The following RCOR3 variants were observed in gnomAD, a reference collection of about 807,000 sequenced individuals.
RCOR3 encodes the protein REST corepressor 3.
Under a neutral mutation model 64.1 loss-of-function variants are expected in RCOR3, and 13 were observed. The ratio of observed to expected loss-of-function variants is 0.20; its 90% CI spans 0.13 to 0.32. The LOEUF (loss-of-function observed/expected upper bound fraction) is 0.32. Among genes scored for constraint, RCOR3 ranks in the 10% least tolerant of loss-of-function variants. The pLI, the probability that RCOR3 is intolerant of heterozygous loss-of-function variation, is 1.00. For synonymous variants in RCOR3, 215 were observed against 239.0 expected, an observed-to-expected ratio of 0.90 and a Z score of 0.93; for missense variants, 489 against 701.2, an observed-to-expected ratio of 0.70 and a Z score of 3.42.
chr1:211,296,954 A>G (rs547593542), intron 9 of RCOR3, among the ~76,000 whole-genome samples: 6 of 151,998 alleles, frequency 3.9e-5, no homozygotes, highest in Admixed American at 1.3e-4. Flanking sequence ...TAAAAACATT[A>G]TGGGAATAGC....
chr1:211,300,071 C>CTTT lies in RCOR3; in HGVS notation c.1018-3996_1018-3994dup, dbSNP rs11419492. Among the ~76,000 whole-genome samples the CTTT allele has an allele frequency of 8.0e-4, 97 of 121,268 alleles. 2 individuals carry two copies. The highest frequency in any genetic ancestry group is 1.1e-3 in the South Asian group (4 of 3,700). The allele number at this position is 121,268 out of a possible 152,430, so 79.6% of individuals were successfully genotyped here. On this transcript the variant is annotated intron_variant, in intron 9 of 11. Transcript: ENST00000419091. ...TCTGCATTTTTCTTTTTCTTTCTTT[C>CTTT]TTTTTTTTTTTTTTTTTTGAGACAC...
chr1:211,313,649 C>T lies in RCOR3; in HGVS notation c.1543C>T (p.Arg515Cys), dbSNP rs1384358801. The change falls in exon 12 of 12, where the codon CGC becomes TGC. Residue 515 changes from arginine to cysteine, a missense_variant. Around this residue, in one of 2 missense-constraint regions of RCOR3, gnomAD observed 402 missense variants for 617.0 expected, o/e 0.65. Transcript: ENST00000419091. The surrounding 1 kb of genome is among the most constrained non-coding windows in gnomAD (Gnocchi z 4.7). ...TLNQPPPPLI[R>C]PANSMPPRLN... ...AAATCAGCCTCCACCACCTCTTATTCGCCCTGCTAATTCCATGCCACCCCG... is the reference window on the plus strand; with the variant it reads ...AAATCAGCCTCCACCACCTCTTATTTGCCCTGCTAATTCCATGCCACCCCG... The T allele has an allele frequency of 2.5e-6, 4 of 1,614,092 alleles. No homozygotes were observed. The highest frequency in any genetic ancestry group is 2.2e-5 in the East Asian group (1 of 44,900).
intron 2 of RCOR3, among the ~76,000 whole-genome samples, chr1:211,270,736 GT>G (rs1196546610): frequency 6.6e-6 from 1 of 151,766 alleles, no homozygotes; most frequent in Non-Finnish European, 1.5e-5. Context: ...AATTTCCTTA[GT>G]TTTTATAAGC....
rs1301602313 is a variant in RCOR3, at chr1:211,312,492, G to GT, written c.1076-225dup. On this transcript the variant is annotated intron_variant, in intron 10 of 11. Coordinates refer to ENST00000419091, the MANE Select transcript of RCOR3 (RefSeq NM_001136223.3). This position sits in a 1 kb window ranked among gnomAD's most constrained non-coding sequence, Gnocchi z 5.0. ...TAACTGAGTATGTAAAAAATGGTAAGTTTCTGATTGTTCAGTTGAAGGCAA... is the reference window on the plus strand; with the variant it reads ...TAACTGAGTATGTAAAAAATGGTAAGTTTTCTGATTGTTCAGTTGAAGGCAA... The GT allele has an allele frequency of 6.3e-6, 4 of 637,320 alleles. No individual in the cohort carries two copies. Among genetic ancestry groups the GT allele is most frequent in the Non-Finnish European group, 1.2e-5 (4 of 342,486 alleles). The allele number at this position is 637,320 out of a possible 1,614,324, so 39.5% of individuals were successfully genotyped here.
chr1:211,299,200 C>A (rs1700135625), intron 9 of RCOR3, among the ~76,000 whole-genome samples: 1 of 152,040 alleles, frequency 6.6e-6, no homozygotes, highest in Admixed American at 6.5e-5. Context: ...GCATGTAAGT[C>A]GTCAATGATA....
At chr1:211,285,100 T>G (rs1698347322) in intron 7 of RCOR3, among the ~76,000 whole-genome samples, 1 of 152,226 alleles carries the variant, frequency 6.6e-6, no homozygotes, top group African/African-American at 2.4e-5. Context: ...TTGTATTACT[T>G]TTGATTTCCT....
At chr1:211,288,431 T>A (rs937588904) in intron 7 of RCOR3, among the ~76,000 whole-genome samples, 5 of 147,312 alleles carry the variant, frequency 3.4e-5, no homozygotes, top group Admixed American at 2.7e-4. Flanking sequence ...ATTTTTTATT[T>A]TATTTATATT....
chr1:211,279,283 T>C lies in RCOR3; in HGVS notation c.687T>C (p.Ser229=). 6.2e-7 allele frequency: 1 copy of C among 1,612,610 alleles called. No homozygotes were observed. The highest frequency in any genetic ancestry group is 1.7e-5 in the Admixed American group (1 of 59,886). Residue 229 remains serine (S), a synonymous_variant, in exon 7 of 12, where the codon AGT becomes AGC. Coordinates refer to ENST00000419091, the MANE Select transcript of RCOR3 (RefSeq NM_001136223.3). ...CACATCCAATGGATGGGAATGATAG[T>C]GATTATGATCCCAAAAAAGAAGCCA... ...EETHPMDGND[S]DYDPKKEAKK...
intron 9 of RCOR3, among the ~76,000 whole-genome samples, chr1:211,300,697 G>C (rs1003128149): frequency 3.3e-5 from 5 of 152,096 alleles, no homozygotes; most frequent in African/African-American, 1.2e-4. Context: ...AATTTATCCA[G>C]ACATTCAGTC....
intron 9 of RCOR3, 59 bp from the exon 10 acceptor site, chr1:211,304,024 C>A: frequency 8.4e-7 from 1 of 1,192,270 alleles, no homozygotes; most frequent in Non-Finnish European, 1.2e-6. Flanking sequence ...AAAAAATAAG[C>A]GCTTTGGAAA....
rs774381891 is a variant in RCOR3, at chr1:211,313,007, C to T, written c.1317+46C>T. 3.1e-5 allele frequency: 50 copies of T among 1,611,942 alleles called. No individual in the cohort carries two copies. The highest frequency in any genetic ancestry group is 3.6e-5 in the Non-Finnish European group (43 of 1,178,650). On this transcript the variant is annotated intron_variant, in intron 11 of 11. Transcript: ENST00000419091. This position sits in a 1 kb window ranked among gnomAD's most constrained non-coding sequence, Gnocchi z 4.7. ...TGAGCTAATATGAGTTGAGGAATCA[C>T]CATTTTGTGTGGTATTCTGTAAGGT...
intron 8 of RCOR3, 62 bp from the exon 9 acceptor site, chr1:211,295,614 G>T: frequency 7.6e-7 from 1 of 1,316,632 alleles, no homozygotes; most frequent in South Asian, 1.2e-5. Flanking sequence ...TCACTTAATT[G>T]AGTACTCACA....
Position 211,313,759 on chromosome 1 carries a change from A to G in RCOR3, c.1653A>G (p.Ser551=). The part of the protein sequence containing the change: ...LIGIQTDSQS[S]LH The stretch of plus-strand genomic sequence containing the variant: ...GAATTCAGACAGATTCACAGTCCTC[A>G]CTGCACTAAAAATTAAATTGGACAC... Residue 551 remains serine (S), a synonymous_variant, in exon 12 of 12, where the codon TCA becomes TCG. Transcript: ENST00000419091. The surrounding 1 kb of genome is among the most constrained non-coding windows in gnomAD (Gnocchi z 4.7). The G allele has an allele frequency of 6.2e-7, 1 of 1,612,800 alleles. No individual in the cohort carries two copies. Among genetic ancestry groups the G allele is most frequent in the East Asian group, 2.2e-5 (1 of 44,856 alleles).
At chr1:211,306,764 C>T (rs1428737205) in intron 10 of RCOR3, among the ~76,000 whole-genome samples, 2 of 152,092 alleles carry the variant, frequency 1.3e-5, no homozygotes, top group Non-Finnish European at 2.9e-5. Flanking sequence ...ATAAGTTTCC[C>T]TTCTTTCTCT....
In RCOR3 at chr1:211,259,565, C is replaced by G; in HGVS notation, c.5C>G (p.Pro2Arg). Residue 2 changes from proline to arginine, a missense_variant, in exon 1 of 12, where the codon CCC (proline) becomes CGC (arginine). By Grantham distance (103) the Pro-to-Arg change is moderately radical. Coordinates refer to ENST00000419091, the MANE Select transcript of RCOR3 (RefSeq NM_001136223.3). The stretch of plus-strand genomic sequence containing the variant: ...TTCCCCCTCCCCTGTTCTACCATGC[C>G]CGGCATGATGGAGAAAGGGCCCGAG... The part of the protein sequence containing the change: M[P>R]GMMEKGPELL... The G allele has an allele frequency of 6.5e-7, 1 of 1,548,006 alleles. No homozygotes were observed. The highest frequency in any genetic ancestry group is 1.2e-5 in the South Asian group (1 of 84,008).
chr1:211,270,528 T>C (rs1418897566), intron 2 of RCOR3, among the ~76,000 whole-genome samples: 1 of 130,638 alleles, frequency 7.7e-6, no homozygotes, highest in Non-Finnish European at 1.6e-5. Context: ...ACAGCAATCT[T>C]GGCCCATTTA....
intron 7 of RCOR3, among the ~76,000 whole-genome samples, chr1:211,284,013 A>C (rs900564148): frequency 6.6e-6 from 1 of 151,102 alleles, no homozygotes; most frequent in Non-Finnish European, 1.5e-5. Flanking sequence ...AAAAGCATAT[A>C]AATTTTAAAT....
chr1:211,270,217 C>G (rs1223747573), intron 2 of RCOR3, among the ~76,000 whole-genome samples: 1 of 151,944 alleles, frequency 6.6e-6, no homozygotes, highest in Non-Finnish European at 1.5e-5. Context: ...TGCGCGCCAC[C>G]ACACCTGGCT....
At chr1:211,293,118 T>TAAATAAATAAATAAATAAATAAATA (rs374581705) in intron 8 of RCOR3, among the ~76,000 whole-genome samples, 2 of 151,166 alleles carry the variant, frequency 1.3e-5, no homozygotes, top group Non-Finnish European at 3.0e-5. Context: ...AATAAATAAA[T>TAAATAAATAAATAAATAAATAAATA]AAGTCTTAAT....
Sources: allele counts gnomAD v4.1 joint callset (sites outside exome capture counted in the v4.1 genomes callset), GRCh38; gene constraint gnomAD v4.1.1; regional missense constraint gnomAD v4.1.1; non-coding constraint Gnocchi (gnomAD v3.1); transcripts MANE v1.5; gene names NCBI Gene and HGNC (gene_info 2026-07-23, HGNC 2026-07-21).